RIT2: variants seen among roughly 807,000 people sequenced by gnomAD.
RIT2 encodes the protein Ras like without CAAX 2.
A neutral mutation model predicts 23.7 loss-of-function variants in RIT2; 24 were observed. That is an observed-to-expected ratio of 1.01 (90% CI 0.73 to 1.43). RIT2 has a LOEUF of 1.43. RIT2 is among the 40% of genes most tolerant of loss of function. RIT2 has a pLI of 0.00. For synonymous variants in RIT2, 107 were observed against 91.1 expected (o/e 1.17, Z -0.99); for missense variants, 236 against 266.9 (o/e 0.88, Z 0.81).
In RIT2 at chr18:42,755,360, A is replaced by G. The variant is rs982840460; in HGVS notation, c.427-11640T>C. Among the ~76,000 whole-genome samples, 4 of 152,248 alleles carry G rather than the reference A, an allele frequency of 2.6e-5. No individual in the cohort carries two copies. The East Asian group carries it at 5.8e-4, about 22-fold the overall frequency. ...TCAGTACAAAATCTTCTTGCCTTCAAGTATTTGCAGTTGTTGTTTCCTCTG... is the reference window on the plus strand; with the variant it reads ...TCAGTACAAAATCTTCTTGCCTTCAGGTATTTGCAGTTGTTGTTTCCTCTG... On this transcript the variant is annotated intron_variant, in intron 4 of 4. Transcript: ENST00000326695.
chr18:42,831,951 G>A (rs990166762), intron 4 of RIT2, among the ~76,000 whole-genome samples: 1 of 152,110 alleles, frequency 6.6e-6, no homozygotes, highest in African/African-American at 2.4e-5. Flanking sequence ...TTACTTGGAA[G>A]ATCAAACTTG....
chr18:42,981,615 G>A (rs1238197188), intron 2 of RIT2, among the ~76,000 whole-genome samples: 7 of 151,646 alleles, frequency 4.6e-5, no homozygotes, highest in African/African-American at 1.5e-4. Flanking sequence ...CCATAATCTC[G>A]AATGTTGAAA....
At chr18:42,824,022 A>G (rs1018734234) in intron 4 of RIT2, among the ~76,000 whole-genome samples, 1 of 152,134 alleles carries the variant, frequency 6.6e-6, no homozygotes, top group African/African-American at 2.4e-5. Flanking sequence ...TCATCTTCAG[A>G]CAGTTTCCAC....
intron 4 of RIT2, among the ~76,000 whole-genome samples, chr18:42,831,667 C>T (rs1906462480): frequency 6.6e-6 from 1 of 152,060 alleles, no homozygotes; most frequent in Non-Finnish European, 1.5e-5. Flanking sequence ...TGTAATGAGG[C>T]TGACATTTGT....
intron 2 of RIT2, among the ~76,000 whole-genome samples, chr18:43,007,240 G>C (rs956387699): frequency 5.9e-5 from 9 of 151,710 alleles, no homozygotes; most frequent in African/African-American, 2.2e-4. Context: ...ATATTTATAT[G>C]TAGAATTAAG....
intron 4 of RIT2, among the ~76,000 whole-genome samples, chr18:42,801,260 T>C (rs977335490): frequency 1.3e-5 from 2 of 152,206 alleles, no homozygotes; most frequent in Non-Finnish European, 2.9e-5. Context: ...CAGACTAGTT[T>C]TGAAAATGTT....
intron 4 of RIT2, among the ~76,000 whole-genome samples, chr18:42,816,293 G>A (rs1905996249): frequency 6.6e-6 from 1 of 152,158 alleles, no homozygotes; most frequent in Non-Finnish European, 1.5e-5. Flanking sequence ...GTTAGCAGAA[G>A]CCAGTGGGAG....
intron 2 of RIT2, among the ~76,000 whole-genome samples, chr18:42,994,867 TC>T (rs1339735704): frequency 4.6e-5 from 7 of 152,148 alleles, no homozygotes; most frequent in Admixed American, 1.3e-4. Flanking sequence ...TACTTTCTGC[TC>T]CCTGGCTCCT....
chr18:42,947,095 G>A (rs1479217096), intron 3 of RIT2, among the ~76,000 whole-genome samples: 1 of 152,020 alleles, frequency 6.6e-6, no homozygotes, highest in Non-Finnish European at 1.5e-5. Context: ...TAAGCAATTG[G>A]GAAATGATTC....
chr18:42,796,737 A>T (rs534647330), intron 4 of RIT2, among the ~76,000 whole-genome samples: 1 of 152,266 alleles, frequency 6.6e-6, no homozygotes, highest in Admixed American at 6.5e-5. Flanking sequence ...TTCTGAATAA[A>T]TCTGATTTTA....
intron 2 of RIT2, among the ~76,000 whole-genome samples, chr18:43,013,292 G>A (rs140811197): frequency 1.7e-4 from 26 of 151,854 alleles, no homozygotes; most frequent in Non-Finnish European, 3.5e-4. Flanking sequence ...TTTAAACAAT[G>A]CAAACATGAA....
At position 43,022,513 on chromosome 18, in the gene RIT2, G is replaced by A. The variant is rs566979657; in HGVS notation, c.160+11298C>T. 4.6e-5 allele frequency among the ~76,000 whole-genome samples: 7 copies of A among 152,158 alleles called. No individual in the cohort carries two copies. The East Asian group carries it at 9.7e-4, about 21-fold the overall frequency. ...CAGGATGATGGATACCCTAAATACT[G>A]TCATTTGACCATAACATATTCTCTA... On this transcript the variant is annotated intron_variant, in intron 2 of 4. Transcript: ENST00000326695.
intron 4 of RIT2, among the ~76,000 whole-genome samples, chr18:42,833,053 C>CAAAAAAA (rs35952869): frequency 1.3e-5 from 1 of 77,894 alleles, no homozygotes; most frequent in African/African-American, 4.6e-5. Context: ...GACTTCATCT[C>CAAAAAAA]AAAAAAAAAA....
chr18:42,966,013 C>A (rs1320849824), intron 3 of RIT2, among the ~76,000 whole-genome samples: 2 of 151,940 alleles, frequency 1.3e-5, no homozygotes, highest in African/African-American at 2.4e-5. Flanking sequence ...GCCACGTGAC[C>A]TTGGATAAGC....
At chr18:42,903,684 C>A (rs1246767583) in intron 4 of RIT2, among the ~76,000 whole-genome samples, 3 of 152,034 alleles carry the variant, frequency 2.0e-5, no homozygotes, top group Non-Finnish European at 2.9e-5. Flanking sequence ...AGTCCAGAAA[C>A]TTTTACAAGC....
intron 4 of RIT2, among the ~76,000 whole-genome samples, chr18:42,769,791 A>T (rs1913505565): frequency 6.6e-6 from 1 of 150,806 alleles, no homozygotes; most frequent in Non-Finnish European, 1.5e-5. Flanking sequence ...ATATACCACC[A>T]TACATATGTA....
At chr18:42,826,578 C>T (rs79706249) in intron 4 of RIT2, among the ~76,000 whole-genome samples, 16,359 of 151,904 alleles carry the variant, frequency 0.11, 995 homozygotes, top group Middle Eastern at 0.24. Context: ...TCCATGAAAG[C>T]AAGAATGTAT....
At chr18:42,882,614 G>T (rs747855160) in intron 4 of RIT2, among the ~76,000 whole-genome samples, 2 of 152,178 alleles carry the variant, frequency 1.3e-5, no homozygotes, top group Non-Finnish European at 2.9e-5. Flanking sequence ...TCAGAAGTTG[G>T]TATCAAGATC....
intron 1 of RIT2, 92 bp downstream of exon 1, chr18:43,115,325 C>A: frequency 6.6e-7 from 1 of 1,519,638 alleles, no homozygotes; most frequent in Non-Finnish European, 9.0e-7. Flanking sequence ...CAGTTCACCT[C>A]TAACAGCATC....
Sources: allele counts gnomAD v4.1 joint callset (sites outside exome capture counted in the v4.1 genomes callset), GRCh38; gene constraint gnomAD v4.1.1; transcripts MANE v1.5; gene names NCBI Gene and HGNC (gene_info 2026-07-23, HGNC 2026-07-21).